The following SCN7A variants were observed in gnomAD, a reference collection of about 807,000 sequenced individuals.
The protein encoded by SCN7A is sodium voltage-gated channel alpha subunit 7, also known as sodium channel protein type 7 subunit alpha.
Under a neutral mutation model 155.2 loss-of-function variants are expected in SCN7A, and 138 were observed. The ratio of observed to expected loss-of-function variants is 0.89; its 90% CI spans 0.77 to 1.02. SCN7A has a LOEUF of 1.02. Among genes scored for constraint, SCN7A ranks in the 50% least tolerant of loss-of-function variants. The probability of loss-of-function intolerance (pLI) is 0.00; values close to 1 mark genes in which losing one functional copy is unlikely to be tolerated. For missense variants in SCN7A, 2,058 were observed against 1,986.6 expected (o/e 1.04, Z -0.68); for synonymous variants, 693 against 649.0 (o/e 1.07, Z -1.03).
At chr2:166,461,762 G>A (rs547743665) in intron 10 of SCN7A, 4 of 152,130 alleles carry the variant, frequency 2.6e-5, no homozygotes, top group East Asian at 1.9e-4. Context: ...GAGGGTACTC[G>A]ACCTCTCTAA....
intron 21 of SCN7A, among the ~76,000 whole-genome samples, chr2:166,416,440 C>A (rs1377382918): frequency 1.3e-5 from 2 of 152,214 alleles, no homozygotes; most frequent in African/African-American, 4.8e-5. Flanking sequence ...GTGATGTCAC[C>A]CCCGGCGGCC....
intron 25 of SCN7A, among the ~76,000 whole-genome samples, chr2:166,408,902 T>G (rs1701135297): frequency 6.6e-6 from 1 of 151,998 alleles, no homozygotes; most frequent in Non-Finnish European, 1.5e-5. Context: ...TGCTTGGCTA[T>G]CTCCTTATCT....
chr2:166,479,894 A>C (rs1218194943), intron 2 of SCN7A, among the ~76,000 whole-genome samples: 1 of 152,210 alleles, frequency 6.6e-6, no homozygotes, highest in Non-Finnish European at 1.5e-5. Flanking sequence ...TGCTAGGAAG[A>C]TCAAAATGTA....
At chr2:166,418,411 C>T (rs911859523) in intron 20 of SCN7A, among the ~76,000 whole-genome samples, 6 of 148,236 alleles carry the variant, frequency 4.0e-5, no homozygotes, top group Admixed American at 6.9e-5. Flanking sequence ...GGATTATAGG[C>T]GTGAATCACT....
intron 8 of SCN7A, 97 bp from the exon 9 acceptor site, chr2:166,465,628 CT>C: frequency 8.1e-7 from 1 of 1,233,532 alleles, no homozygotes; most frequent in Non-Finnish European, 1.2e-6. Context: ...AAATACCTTT[CT>C]GCAATTGTGA....
intron 11 of SCN7A, among the ~76,000 whole-genome samples, chr2:166,449,934 T>G (rs886896652): frequency 1.3e-5 from 2 of 152,072 alleles, no homozygotes; most frequent in Admixed American, 1.3e-4. Context: ...AAAACAGAGT[T>G]ACCATTAGAG....
chr2:166,464,961 CA>C (rs1410213769), intron 9 of SCN7A, among the ~76,000 whole-genome samples: 4 of 152,130 alleles, frequency 2.6e-5, no homozygotes, highest in Non-Finnish European at 5.9e-5. Context: ...TTCCACATTG[CA>C]TACTTCTGCT....
At chr2:166,440,500 T>C (rs1020669618) in intron 15 of SCN7A, 4 of 152,162 alleles carry the variant, frequency 2.6e-5, no homozygotes, top group Non-Finnish European at 4.4e-5. Flanking sequence ...AAGCTAGTGC[T>C]ATCTAATGGA....
At chr2:166,427,178 A>T (rs1006772258) in intron 18 of SCN7A, among the ~76,000 whole-genome samples, 7 of 152,044 alleles carry the variant, frequency 4.6e-5, no homozygotes, top group Non-Finnish European at 8.8e-5. Context: ...CCATTGGATG[A>T]TTTTTCATAG....
chr2:166,447,544 A>T, intron 12 of SCN7A, 68 bp downstream of exon 12: 1 of 1,034,872 alleles, frequency 9.7e-7, no homozygotes, highest in Non-Finnish European at 1.4e-6. Context: ...AAATTGCTGA[A>T]TTTCTTTAAA....
In SCN7A at chr2:166,413,070, C is replaced by A; in HGVS notation, c.3466G>T (p.Ala1156Ser). 1 of 1,528,316 alleles carries A rather than the reference C, an allele frequency of 6.5e-7. No individual in the cohort carries two copies. The highest frequency in any genetic ancestry group is 8.8e-7 in the Non-Finnish European group (1 of 1,135,906). The allele number at this position is 1,528,316 out of a possible 1,614,324, so 94.7% of individuals were successfully genotyped here. A position where few individuals can be genotyped will look rare whatever the true frequency, so the allele number is the denominator to read the frequency against. ...CTTTAAAATGATATTATACTTACAG[C>A]AACAGAATCAATTGCTGAATTCATA... is the stretch of plus-strand genomic sequence containing the variant. Reference protein sequence around the residue: ...TIMNSAIDSVAVNIQPHFEVN... With the variant: ...TIMNSAIDSVSVNIQPHFEVN... Residue 1156 changes from alanine (A) to serine (S), a missense_variant and splice_region_variant, in exon 22 of 26, where the codon GCT becomes TCT. Coordinates refer to ENST00000643258, the MANE Select transcript of SCN7A (RefSeq NM_002976.4).
intron 15 of SCN7A, among the ~76,000 whole-genome samples, chr2:166,435,078 T>C (rs1701810110): frequency 6.6e-6 from 1 of 152,062 alleles, no homozygotes; most frequent in African/African-American, 2.4e-5. Flanking sequence ...TCTATATATA[T>C]ATAGTGAAAA....
At chr2:166,419,271 G>C (rs1403734015) in intron 20 of SCN7A, among the ~76,000 whole-genome samples, 3 of 151,528 alleles carry the variant, frequency 2.0e-5, no homozygotes, top group Non-Finnish European at 2.9e-5. Context: ...TGTGTATTTT[G>C]AGTAAATAGG....
At chr2:166,412,408 T>C in intron 23 of SCN7A, 122 bp downstream of exon 23, 3 of 1,108,176 alleles carry the variant, frequency 2.7e-6, no homozygotes, top group East Asian at 7.1e-5. Context: ...TTAAGATACA[T>C]GTCAAATAAA....
rs10552479 is a variant in SCN7A, at chr2:166,417,595, A to AATAT, written c.3136-614_3136-611dup. Among the ~76,000 whole-genome samples the AATAT allele has an allele frequency of 6.0e-5, 9 of 149,216 alleles. No homozygotes were observed. The South Asian group carries it at 8.4e-4, about 14-fold the overall frequency. On this transcript the variant is annotated intron_variant, in intron 20 of 25. Transcript: ENST00000643258. Reference sequence around the variant, plus strand: ...GAATAAATAATTATTTTGCTGGCTTAATATATATATATATATATGCTTATT... The same window carrying AATAT: ...GAATAAATAATTATTTTGCTGGCTTAATATATATATATATATATATATGCTTATT...
intron 11 of SCN7A, among the ~76,000 whole-genome samples, chr2:166,455,640 C>A (rs960719564): frequency 1.2e-4 from 18 of 152,142 alleles, no homozygotes; most frequent in Admixed American, 1.2e-3. Flanking sequence ...CCAAGCCTCA[C>A]TGTCACACAA....
intron 23 of SCN7A, 133 bp from the exon 24 acceptor site, chr2:166,410,457 A>G: frequency 1.6e-6 from 1 of 608,886 alleles, no homozygotes; most frequent in Non-Finnish European, 2.8e-6. Flanking sequence ...AGTGAATGAA[A>G]TCATGTTTGA....
At chr2:166,445,038 G>A (rs529372221) in intron 12 of SCN7A, 38 bp from the exon 13 acceptor site, 68 of 1,314,852 alleles carry the variant, frequency 5.2e-5, no homozygotes, top group East Asian at 1.2e-4. Flanking sequence ...CATTCTGGCC[G>A]GGTGCAGTGG....
intron 10 of SCN7A, among the ~76,000 whole-genome samples, chr2:166,460,072 AC>A (rs1168020979): frequency 6.6e-6 from 1 of 152,204 alleles, no homozygotes; most frequent in Non-Finnish European, 1.5e-5. Context: ...GCACATATAT[AC>A]CTAAGTAACA....
Sources: allele counts gnomAD v4.1 joint callset (sites outside exome capture counted in the v4.1 genomes callset), GRCh38; gene constraint gnomAD v4.1.1; transcripts MANE v1.5; gene names NCBI Gene and HGNC (gene_info 2026-07-23, HGNC 2026-07-21).